The following MAGEA10 variants were observed in gnomAD, a reference collection of about 807,000 sequenced individuals.
MAGEA10 encodes melanoma-associated antigen 10.
A neutral mutation model predicts 8.6 loss-of-function variants in MAGEA10; 7 were observed. That is an observed-to-expected ratio of 0.82 (90% CI 0.46 to 1.53). MAGEA10 has a LOEUF of 1.53. Ranked by LOEUF, MAGEA10 falls within the 40% of genes most tolerant of loss-of-function variation. The pLI is 0.01. For missense variants in MAGEA10, 293 were observed against 274.0 expected (o/e 1.07, Z -0.49); for synonymous variants, 125 against 107.4 (o/e 1.16, Z -1.02).
intron 1 of MAGEA10, among the ~76,000 whole-genome samples, chrX:152,137,444 A>AGGGGGGGGGGGGG (rs1603184059): frequency 8.7e-4 from 1 of 1,143 alleles, no homozygotes; most frequent in Non-Finnish European, 1.8e-3. Context: ...GGTGGTGGGC[A>AGGGGGGGGGGGGG]GGGGAGGGGG....
In MAGEA10 at chrX:152,134,503, G is replaced by C; in HGVS notation, c.*8C>G. The stretch of plus-strand genomic sequence containing the variant: ...CCTTTTAAAACACAGTGAAGAATCT[G>C]TCTTACTTTATTCAGGGTAGGAGAA... On this transcript the variant is annotated 3_prime_UTR_variant, in exon 4 of 4. Transcript: ENST00000370323. The C allele has an allele frequency of 8.4e-7, 1 of 1,188,097 alleles. No individual in the cohort carries two copies. Among genetic ancestry groups the C allele is most frequent in the Non-Finnish European group, 1.1e-6 (1 of 882,005 alleles).
Position 152,134,216 on chromosome X carries a change from C to T in MAGEA10, c.*295G>A. The T allele has an allele frequency of 3.7e-6, 1 of 267,289 alleles. No homozygotes were observed. The highest frequency in any genetic ancestry group is 6.6e-6 in the Non-Finnish European group (1 of 151,217). The allele number at this position is 267,289 out of a possible 1,213,427, so 22.0% of individuals were successfully genotyped here. A position where few individuals can be genotyped will look rare whatever the true frequency, so the allele number is the denominator to read the frequency against. On this transcript the variant is annotated 3_prime_UTR_variant, in exon 4 of 4. Transcript: ENST00000370323. ...TGTATATGTAGTATAATGATCAAATCAGGTAGTGTATCCATCACCTCATGC... is the reference window on the plus strand; with the variant it reads ...TGTATATGTAGTATAATGATCAAATTAGGTAGTGTATCCATCACCTCATGC...
chrX:152,138,547 G>T lies in MAGEA10; in HGVS notation c.-311C>A, dbSNP rs1936731976. 9.4e-6 allele frequency: 1 copy of T among 106,163 alleles called. No homozygotes were observed. The highest frequency in any genetic ancestry group is 3.5e-5 in the African/African-American group (1 of 28,839). The allele number at this position is 106,163 out of a possible 1,213,427, so 8.7% of individuals were successfully genotyped here. ...GCCTGTCCCTCAGAACGAGAACCTC[G>T]CTTCTCTCTGATCCCCGAGGCGTAA... On this transcript the variant is annotated 5_prime_UTR_variant, in exon 1 of 4. Transcript: ENST00000370323.
At position 152,135,220 on chromosome X, in the gene MAGEA10, A is replaced by C; in HGVS notation, c.401T>G (p.Ile134Arg). 8.3e-7 allele frequency: 1 copy of C among 1,209,734 alleles called. No homozygotes were observed. Among genetic ancestry groups the C allele is most frequent in the Non-Finnish European group, 1.1e-6 (1 of 894,382 alleles). ...PDSESLPRSE[I>R]DEKVTDLVQF... is the part of the protein sequence containing the mutation. ...CACCAAATCAGTCACCTTTTCATCT[A>C]TCTCACTTCTGGGTAAAGACTCACT... is the stretch of plus-strand genomic sequence containing the variant. Residue 134 changes from isoleucine to arginine, a missense_variant, in exon 4 of 4, where the codon ATA becomes AGA. Physicochemically the swap from Ile to Arg is moderately conservative, Grantham distance 97. Coordinates refer to ENST00000370323, the MANE Select transcript of MAGEA10 (RefSeq NM_021048.5).
chrX:152,134,970 A>G lies in MAGEA10; in HGVS notation c.651T>C (p.Asp217=). Residue 217 remains aspartate, a synonymous_variant, in exon 4 of 4, where the codon GAT becomes GAC. Coordinates refer to ENST00000370323, the MANE Select transcript of MAGEA10 (RefSeq NM_021048.5). ...LGLTYDGMLS[D]VQSMPKTGIL... is the part of the protein sequence containing the mutation. Reference sequence around the variant, plus strand: ...TGCCAGTCTTGGGCATGCTCTGGACATCACTCAGCATCCCATCATAGGTGA... The same window carrying G: ...TGCCAGTCTTGGGCATGCTCTGGACGTCACTCAGCATCCCATCATAGGTGA... 8.3e-7 allele frequency: 1 copy of G among 1,211,463 alleles called. No homozygotes were observed.
chrX:152,135,198 C>G lies in MAGEA10; in HGVS notation c.423G>C (p.Leu141Phe), dbSNP rs1234996446. The change falls in exon 4 of 4, where the codon TTG (leucine) becomes TTC (phenylalanine). Residue 141 changes from leucine (L) to phenylalanine (F), a missense_variant. Transcript: ENST00000370323. ...RSEIDEKVTD[L>F]VQFLLFKYQM... ...GATACTTGAAGAGCAGAAACTGCAC[C>G]AAATCAGTCACCTTTTCATCTATCT... 8.3e-7 allele frequency: 1 copy of G among 1,209,686 alleles called. No individual in the cohort carries two copies. The highest frequency in any genetic ancestry group is 3.0e-5 in the East Asian group (1 of 33,790).
At position 152,133,951 on chromosome X, in the gene MAGEA10, A is replaced by G. The variant is rs1360994781; in HGVS notation, c.*560T>C. 1 of 109,791 alleles carries G rather than the reference A, an allele frequency of 9.1e-6. No individual in the cohort carries two copies. Among genetic ancestry groups the G allele is most frequent in the Non-Finnish European group, 1.9e-5 (1 of 52,837 alleles). 9.0% of individuals were successfully genotyped at this position (109,791 alleles called of 1,213,427 possible). A position where few individuals can be genotyped will look rare whatever the true frequency, so the allele number is the denominator to read the frequency against. ...TGTTAAAAAAAAAAAAAGAAGAAGA[A>G]GAAAAAGAAAATAAAATACCAAGAA... On this transcript the variant is annotated 3_prime_UTR_variant, in exon 4 of 4. Coordinates refer to ENST00000370323, the MANE Select transcript of MAGEA10 (RefSeq NM_021048.5).
Position 152,135,494 on chromosome X carries a change from A to G in MAGEA10, c.127T>C (p.Ser43Pro). 5.0e-6 allele frequency: 6 copies of G among 1,197,607 alleles called. No homozygotes were observed. The highest frequency in any genetic ancestry group is 6.8e-6 in the Non-Finnish European group (6 of 888,764). ...AVEEDASSST[S>P]TSSSFPSSFP... ...GAGGATGGAAAAGAGGAGCTGGTGG[A>G]AGTGGATGATGAAGCATCCTCCTCC... Residue 43 changes from serine (S) to proline (P), a missense_variant, in exon 4 of 4, where the codon TCC becomes CCC. Coordinates refer to ENST00000370323, the MANE Select transcript of MAGEA10 (RefSeq NM_021048.5).
rs775088145 is a variant in MAGEA10, at chrX:152,134,665, T to C, written c.956A>G (p.Asn319Ser). The C allele has an allele frequency of 2.5e-6, 3 of 1,210,398 alleles. No homozygotes were observed. The highest frequency in any genetic ancestry group is 1.8e-5 in the South Asian group (1 of 56,909). The change falls in exon 4 of 4, where the codon AAT becomes AGT. Residue 319 changes from asparagine to serine, a missense_variant. Asn to Ser is a conservative substitution (Grantham distance 46). Transcript: ENST00000370323. ...MSLLKFLAKV[N>S]GSDPRSFPLW... The stretch of plus-strand genomic sequence containing the variant: ...TGGGAAGGATCTTGGATCACTCCCA[T>C]TTACCTTGGCCAAAAATTTCAGGAG...
intron 1 of MAGEA10, 132 bp from the exon 2 acceptor site, chrX:152,137,101 A>C (rs1024580369): frequency 9.1e-6 from 1 of 110,249 alleles, no homozygotes; most frequent in Non-Finnish European, 1.9e-5. Context: ...CTGTGGTAAA[A>C]TTGAGCTTGC....
rs1480672388 is a variant in MAGEA10 at position 152,133,459 on chromosome X, A to T, written c.*1052T>A. Reference sequence around the variant, plus strand: ...TTTTACTATTTTTTTCATATTTCCAAGAAAATTACTATTCCAATTCCATGT... The same window carrying T: ...TTTTACTATTTTTTTCATATTTCCATGAAAATTACTATTCCAATTCCATGT... On this transcript the variant is annotated 3_prime_UTR_variant, in exon 4 of 4. Coordinates refer to ENST00000370323, the MANE Select transcript of MAGEA10 (RefSeq NM_021048.5). 1 of 112,496 alleles carries T rather than the reference A, an allele frequency of 8.9e-6. No homozygotes were observed. Among genetic ancestry groups the T allele is most frequent in the African/African-American group, 3.2e-5 (1 of 30,926 alleles). The allele number at this position is 112,496 out of a possible 1,213,427, so 9.3% of individuals were successfully genotyped here.
At position 152,135,197 on chromosome X, in the gene MAGEA10, C is replaced by T; in HGVS notation, c.424G>A (p.Val142Met). The T allele has an allele frequency of 2.5e-6, 3 of 1,209,702 alleles. No homozygotes were observed. Among genetic ancestry groups the T allele is most frequent in the Non-Finnish European group, 2.2e-6 (2 of 894,175 alleles). ...SEIDEKVTDLVQFLLFKYQMK... is the reference protein window; with the variant it reads ...SEIDEKVTDLMQFLLFKYQMK... Reference sequence around the variant, plus strand: ...TGATACTTGAAGAGCAGAAACTGCACCAAATCAGTCACCTTTTCATCTATC... The same window carrying T: ...TGATACTTGAAGAGCAGAAACTGCATCAAATCAGTCACCTTTTCATCTATC... Residue 142 changes from valine (V) to methionine (M), a missense_variant, in exon 4 of 4, where the codon GTG becomes ATG. Transcript: ENST00000370323.
At chrX:152,138,112 T>C (rs1181316247) in intron 1 of MAGEA10, among the ~76,000 whole-genome samples, 1 of 110,381 alleles carries the variant, frequency 9.1e-6, no homozygotes, top group Non-Finnish European at 1.9e-5. Context: ...CAATATCCCC[T>C]TCCCTACGTC....
At chrX:152,136,288 C>G (rs72614770) in intron 2 of MAGEA10, among the ~76,000 whole-genome samples, 2,131 of 111,517 alleles carry the variant, frequency 0.019, 40 homozygotes, top group East Asian at 0.065. Flanking sequence ...AGATCAAAAG[C>G]TTACATCCCT....
chrX:152,137,444 A>AGGGGGGGGGGG (rs1603184059), intron 1 of MAGEA10, among the ~76,000 whole-genome samples: 5 of 1,146 alleles, frequency 4.4e-3, no homozygotes, highest in Non-Finnish European at 5.3e-3. Flanking sequence ...GGTGGTGGGC[A>AGGGGGGGGGGG]GGGGAGGGGG....
intron 2 of MAGEA10, among the ~76,000 whole-genome samples, chrX:152,136,643 G>A (rs1603183474): frequency 9.0e-6 from 1 of 111,246 alleles, no homozygotes; most frequent in African/African-American, 3.3e-5. Context: ...TCCTCACCTT[G>A]ACTCCTGGCA....
At chrX:152,136,568 C>T (rs745662465) in intron 2 of MAGEA10, among the ~76,000 whole-genome samples, 5 of 111,103 alleles carry the variant, frequency 4.5e-5, no homozygotes, top group South Asian at 7.9e-4. Context: ...CATGAATTCC[C>T]GTGGCTGACA....
At position 152,134,391 on chromosome X, in the gene MAGEA10, C is replaced by T; in HGVS notation, c.*120G>A. 8 of 570,460 alleles carry T rather than the reference C, an allele frequency of 1.4e-5. No homozygotes were observed. 47.0% of individuals were successfully genotyped at this position (570,460 alleles called of 1,213,427 possible). The stretch of plus-strand genomic sequence containing the variant: ...CTATTTAATTGTAATGTAACTACTG[C>T]TCTACTCTCTACTTCCATGATACCA... On this transcript the variant is annotated 3_prime_UTR_variant, in exon 4 of 4. Transcript: ENST00000370323.
chrX:152,138,263 G>A (rs1936723058), intron 1 of MAGEA10, among the ~76,000 whole-genome samples: 1 of 104,148 alleles, frequency 9.6e-6, no homozygotes, highest in Admixed American at 1.0e-4. Context: ...CGCCGAACCA[G>A]CCGGGCCCTG....
Sources: gnomAD v4.1 joint callset for allele counts (sites outside exome capture counted in the v4.1 genomes callset) on GRCh38, gnomAD v4.1.1 for gene constraint, MANE v1.5 for transcripts, NCBI Gene and HGNC (gene_info 2026-07-23, HGNC 2026-07-21) for gene names.